COG5: variants seen among roughly 807,000 people sequenced by gnomAD.
COG5 encodes the protein conserved oligomeric Golgi complex subunit 5.
A neutral mutation model predicts 110.4 loss-of-function variants in COG5; 86 were observed. The observed-to-expected ratio is 0.78, with a 90% CI of 0.65 to 0.93. The LOEUF is 0.93. Ranked by LOEUF, COG5 falls within the 40% of genes least tolerant of loss-of-function variation. The probability of loss-of-function intolerance (pLI) is 0.00; values close to 1 mark genes in which losing one functional copy is unlikely to be tolerated. For synonymous variants in COG5, 360 were observed against 334.6 expected (o/e 1.08, Z -0.83); for missense variants, 1,077 against 987.0 (o/e 1.09, Z -1.22).
In COG5 at chr7:107,503,554, G is replaced by C. The variant is rs181602712; in HGVS notation, c.538+23683C>G. ...CGGTGAAAAATAATGTTGGTATTTT[G>C]ATGGGGAATTGCACTGAATATGTAG... is the stretch of plus-strand genomic sequence containing the variant. On this transcript the variant is annotated intron_variant, in intron 6 of 21. Transcript: ENST00000297135. Among the ~76,000 whole-genome samples the C allele has an allele frequency of 7.2e-5, 11 of 152,178 alleles. No homozygotes were observed. In the East Asian group the frequency reaches 2.1e-3, roughly 29 times the overall value.
At chr7:107,473,677 T>G (rs1222859113) in intron 6 of COG5, among the ~76,000 whole-genome samples, 3 of 151,948 alleles carry the variant, frequency 2.0e-5, no homozygotes, top group Non-Finnish European at 4.4e-5. Context: ...TAAATGAAAT[T>G]TTAAGACACT....
At chr7:107,271,903 C>G (rs1380729637) in intron 14 of COG5, among the ~76,000 whole-genome samples, 2 of 152,014 alleles carry the variant, frequency 1.3e-5, no homozygotes, top group Admixed American at 6.6e-5. Flanking sequence ...TTAGCTGCAT[C>G]CTACAAATGC....
At chr7:107,285,865 GAAA>G (rs61521862) in intron 12 of COG5, among the ~76,000 whole-genome samples, 1 of 119,606 alleles carries the variant, frequency 8.4e-6, no homozygotes, top group Non-Finnish European at 1.8e-5. Context: ...ACTCTGTCAA[GAAA>G]AAAAAAAAAA....
chr7:107,279,957 C>A (rs997297097), intron 14 of COG5, among the ~76,000 whole-genome samples: 5 of 151,926 alleles, frequency 3.3e-5, no homozygotes, highest in Admixed American at 1.3e-4. Flanking sequence ...TACATATTAC[C>A]ATTACCACTG....
chr7:107,527,115 A>AC lies in COG5; in HGVS notation c.538+121_538+122insG, dbSNP rs1443274739. 15 of 795,164 alleles carry AC rather than the reference A, an allele frequency of 1.9e-5. No individual in the cohort carries two copies. In the Admixed American group the frequency reaches 4.2e-4, roughly 22 times the overall value. 49.3% of individuals were successfully genotyped at this position (795,164 alleles called of 1,614,324 possible). On this transcript the variant is annotated intron_variant, in intron 6 of 21. Coordinates refer to ENST00000297135, the MANE Select transcript of COG5 (RefSeq NM_006348.5). ...AAGTGTTACAATATTGTATACAGCC[A>AC]ATTATTTAAAAATTTGTTTAATAGT...
intron 6 of COG5, among the ~76,000 whole-genome samples, chr7:107,466,925 G>A (rs1315665688): frequency 6.6e-6 from 1 of 152,160 alleles, no homozygotes; most frequent in Non-Finnish European, 1.5e-5. Flanking sequence ...ACAAAGCTGA[G>A]TTTTTATTTA....
At chr7:107,430,144 C>T (rs1793916192) in intron 6 of COG5, among the ~76,000 whole-genome samples, 1 of 152,102 alleles carries the variant, frequency 6.6e-6, no homozygotes, top group South Asian at 2.1e-4. Context: ...CCTTTTGTCA[C>T]TTGTGCTTTT....
At chr7:107,421,814 A>G (rs1384904868) in intron 6 of COG5, among the ~76,000 whole-genome samples, 1 of 152,162 alleles carries the variant, frequency 6.6e-6, no homozygotes, top group East Asian at 1.9e-4. Context: ...CAAATTAGGA[A>G]ATTTTCTAAA....
At chr7:107,428,273 C>T (rs1793785148) in intron 6 of COG5, among the ~76,000 whole-genome samples, 1 of 152,052 alleles carries the variant, frequency 6.6e-6, no homozygotes, top group African/African-American at 2.4e-5. Context: ...GATTTGTCTG[C>T]CTCCTGCTAC....
intron 6 of COG5, among the ~76,000 whole-genome samples, chr7:107,460,977 T>G (rs947951116): frequency 1.3e-5 from 2 of 151,994 alleles, no homozygotes; most frequent in Non-Finnish European, 2.9e-5. Context: ...AACATAAAAC[T>G]TCTTGGCTCA....
At chr7:107,542,956 AGC>A in intron 5 of COG5, among the ~76,000 whole-genome samples, 1 of 146,270 alleles carries the variant, frequency 6.8e-6, no homozygotes, top group Non-Finnish European at 1.5e-5. Flanking sequence ...TAGGCAACAG[AGC>A]ACAACTCTGT....
chr7:107,503,140 A>C (rs1798740990), intron 6 of COG5, among the ~76,000 whole-genome samples: 1 of 152,154 alleles, frequency 6.6e-6, no homozygotes, highest in Admixed American at 6.5e-5. Context: ...TTTGGGTCTT[A>C]GATTGAAGTC....
intron 16 of COG5, among the ~76,000 whole-genome samples, chr7:107,249,966 T>G (rs1802370778): frequency 6.6e-6 from 1 of 152,046 alleles, no homozygotes; most frequent in Non-Finnish European, 1.5e-5. Flanking sequence ...GGAGTATAAG[T>G]GCCTGGAAGA....
chr7:107,545,306 C>A (rs1802330063), intron 5 of COG5, among the ~76,000 whole-genome samples: 1 of 152,050 alleles, frequency 6.6e-6, no homozygotes, highest in South Asian at 2.1e-4. Context: ...TCAATGTAAA[C>A]AAGACTACCC....
intron 13 of COG5, among the ~76,000 whole-genome samples, chr7:107,283,339 G>C (rs1322183247): frequency 6.6e-6 from 1 of 152,052 alleles, no homozygotes; most frequent in Non-Finnish European, 1.5e-5. Flanking sequence ...GCAAGATATA[G>C]AATAATTATA....
At chr7:107,356,929 T>C (rs1482611418) in intron 10 of COG5, among the ~76,000 whole-genome samples, 2 of 152,194 alleles carry the variant, frequency 1.3e-5, no homozygotes, top group Non-Finnish European at 1.5e-5. Flanking sequence ...AAGAACATTC[T>C]ATTCATAACC....
chr7:107,241,218 T>C (rs1469019954), intron 17 of COG5, among the ~76,000 whole-genome samples: 2 of 152,192 alleles, frequency 1.3e-5, no homozygotes, highest in African/African-American at 4.8e-5. Context: ...CAGCTTGTTT[T>C]GGCTCCCTTC....
chr7:107,544,310 CT>C (rs1301887999), intron 5 of COG5, among the ~76,000 whole-genome samples: 1 of 152,124 alleles, frequency 6.6e-6, no homozygotes, highest in Non-Finnish European at 1.5e-5. Flanking sequence ...TGGTTGGCTC[CT>C]GCAGATTCAA....
Position 107,563,917 on chromosome 7 carries a change from T to C in COG5, c.-21A>G, listed in dbSNP as rs139741151. On this transcript the variant is annotated 5_prime_UTR_variant, in exon 1 of 22. Transcript: ENST00000297135. Reference sequence around the variant, plus strand: ...TCCATGTTGGCAGGTGCCGGGTTGATGTCGTCAGCAGCAGAACGGCTCCGC... The same window carrying C: ...TCCATGTTGGCAGGTGCCGGGTTGACGTCGTCAGCAGCAGAACGGCTCCGC... 2 of 1,613,214 alleles carry C rather than the reference T, an allele frequency of 1.2e-6. No individual in the cohort carries two copies. The highest frequency in any genetic ancestry group is 4.5e-5 in the East Asian group (2 of 44,850).
Sources: gnomAD v4.1 joint callset for allele counts (sites outside exome capture counted in the v4.1 genomes callset) on GRCh38, gnomAD v4.1.1 for gene constraint, MANE v1.5 for transcripts, NCBI Gene and HGNC (gene_info 2026-07-23, HGNC 2026-07-21) for gene names.